LEPR: variants seen among roughly 807,000 people sequenced by gnomAD.
The protein encoded by LEPR is OB receptor.
A neutral mutation model predicts 114.7 loss-of-function variants in LEPR; 56 were observed. The observed-to-expected ratio is 0.49, with a 90% CI of 0.39 to 0.61. The LOEUF (loss-of-function observed/expected upper bound fraction) is 0.61. Ranked by LOEUF, LEPR falls within the 20% of genes least tolerant of loss-of-function variation. The pLI is 0.00. For synonymous variants in LEPR, 443 were observed against 461.4 expected (o/e 0.96, Z 0.51); for missense variants, 1,202 against 1,352.9 (o/e 0.89, Z 1.75).
chr1:65,636,160 A>G, intron 19 of LEPR, 31 bp from the exon 20 acceptor site: 1 of 1,612,882 alleles, frequency 6.2e-7, no homozygotes. Context: ...TTTTAACATA[A>G]TTGAGCCTTA....
intron 2 of LEPR, among the ~76,000 whole-genome samples, chr1:65,521,550 C>T (rs1649638205): frequency 6.6e-6 from 1 of 152,160 alleles, no homozygotes; most frequent in African/African-American, 2.4e-5. Context: ...ATTCCATTAA[C>T]CAAAGCTGCC....
intron 2 of LEPR, among the ~76,000 whole-genome samples, chr1:65,525,204 A>C (rs903486330): frequency 3.7e-5 from 5 of 136,370 alleles, no homozygotes; most frequent in African/African-American, 8.3e-5. Flanking sequence ...TTCTTTTCCC[A>C]CTCCTCCCAG....
intron 19 of LEPR, 37 bp downstream of exon 19, chr1:65,623,018 C>G (rs12067936): frequency 1.3e-6 from 2 of 1,593,964 alleles, no homozygotes; most frequent in Admixed American, 3.4e-5. Flanking sequence ...AGAATATATA[C>G]GATTGCAATC....
At chr1:65,603,095 C>T (rs1656553216) in intron 10 of LEPR, among the ~76,000 whole-genome samples, 1 of 152,058 alleles carries the variant, frequency 6.6e-6, no homozygotes. Context: ...CCTCAATTTC[C>T]TTGTCTGTAA....
At chr1:65,564,209 C>G (rs1160407291) in intron 2 of LEPR, among the ~76,000 whole-genome samples, 1 of 150,846 alleles carries the variant, frequency 6.6e-6, no homozygotes, top group Non-Finnish European at 1.5e-5. Context: ...AGCGAGATTC[C>G]GTGGGCGTAG....
At chr1:65,555,646 TATG>T (rs1408256130) in intron 2 of LEPR, among the ~76,000 whole-genome samples, 1 of 152,208 alleles carries the variant, frequency 6.6e-6, no homozygotes, top group Non-Finnish European at 1.5e-5. Context: ...ATAATTACCT[TATG>T]ATAATTTATT....
chr1:65,572,973 G>A lies in LEPR; in HGVS notation c.494+524G>A, dbSNP rs145031774. On this transcript the variant is annotated intron_variant, in intron 5 of 19. Coordinates refer to ENST00000349533, the MANE Select transcript of LEPR (RefSeq NM_002303.6). ...CAGCAGCTTAACTCTTTCTCTCTCT[G>A]GGCATGAACATGAACCATGCTGTGC... is the stretch of plus-strand genomic sequence containing the variant. Among the ~76,000 whole-genome samples the A allele has an allele frequency of 5.3e-5, 8 of 152,184 alleles. No individual in the cohort carries two copies. The East Asian group carries it at 1.5e-3, about 29-fold the overall frequency.
At chr1:65,556,884 A>G (rs1652849535) in intron 2 of LEPR, among the ~76,000 whole-genome samples, 1 of 152,098 alleles carries the variant, frequency 6.6e-6, no homozygotes, top group Non-Finnish European at 1.5e-5. Context: ...AAAGAGAGAC[A>G]TGATCTGGTC....
intron 2 of LEPR, among the ~76,000 whole-genome samples, chr1:65,547,546 G>A (rs913520886): frequency 2.0e-5 from 3 of 151,820 alleles, no homozygotes; most frequent in East Asian, 1.9e-4. Context: ...GAGAGTGTAT[G>A]TGTCGAGGAA....
chr1:65,490,266 A>T (rs1647794827), intron 2 of LEPR, among the ~76,000 whole-genome samples: 1 of 152,058 alleles, frequency 6.6e-6, no homozygotes, highest in African/African-American at 2.4e-5. Context: ...AGAGAACTGT[A>T]AAAAACAGCT....
chr1:65,477,138 A>G (rs1378172929), intron 2 of LEPR, among the ~76,000 whole-genome samples: 2 of 152,196 alleles, frequency 1.3e-5, no homozygotes, highest in Non-Finnish European at 2.9e-5. Context: ...GTATCACCTT[A>G]TCAGTGAGAT....
Position 65,488,206 on chromosome 1 carries a change from TTCTTTCTCTCTCTC to T in LEPR, c.-21+62832_-21+62845del, listed in dbSNP as rs1365245879. Among the ~76,000 whole-genome samples, 89 of 31,758 alleles carry T rather than the reference TTCTTTCTCTCTCTC, an allele frequency of 2.8e-3. 1 individual carries two copies. The highest frequency in any genetic ancestry group is 4.7e-3 in the South Asian group (4 of 854). 20.8% of individuals were successfully genotyped at this position (31,758 alleles called of 152,430 possible). ...TTTCTTTCTTTCTTTCTTTCTTTCT[TTCTTTCTCTCTCTC>T]TCTCTCTCTTTCTTTCTTTCTTTCT... On this transcript the variant is annotated intron_variant, in intron 2 of 19. Coordinates refer to ENST00000349533, the MANE Select transcript of LEPR (RefSeq NM_002303.6).
chr1:65,578,915 C>A (rs866013698), intron 5 of LEPR, among the ~76,000 whole-genome samples: 38 of 152,274 alleles, frequency 2.5e-4, no homozygotes, highest in African/African-American at 8.9e-4. Flanking sequence ...TGGACTAATT[C>A]TTTAAGTCAC....
At chr1:65,549,365 G>C (rs1652084224) in intron 2 of LEPR, among the ~76,000 whole-genome samples, 1 of 151,606 alleles carries the variant, frequency 6.6e-6, no homozygotes, top group African/African-American at 2.4e-5. Context: ...TGCCTTGCTA[G>C]ATTGGGGAAG....
At position 65,619,961 on chromosome 1, in the gene LEPR, G is replaced by T; in HGVS notation, c.2429G>T (p.Ser810Ile). The T allele has an allele frequency of 6.2e-7, 1 of 1,612,248 alleles. No individual in the cohort carries two copies. Among genetic ancestry groups the T allele is most frequent in the Non-Finnish European group, 8.5e-7 (1 of 1,178,730 alleles). The change falls in exon 17 of 20, where the codon AGT (serine) becomes ATT (isoleucine). Residue 810 changes from serine (S) to isoleucine (I), a missense_variant. Transcript: ENST00000349533. Reference protein sequence around the residue: ...HFIPIEKYQFSLYPIFMEGVG... With the variant: ...HFIPIEKYQFILYPIFMEGVG... ...ATCCCCATTGAGAAGTACCAGTTCAGTCTTTACCCAATATTTATGGAAGGA... is the reference window on the plus strand; with the variant it reads ...ATCCCCATTGAGAAGTACCAGTTCATTCTTTACCCAATATTTATGGAAGGA...
chr1:65,538,390 G>C (rs74084021), intron 2 of LEPR, among the ~76,000 whole-genome samples: 7,089 of 152,088 alleles, frequency 0.047, 544 homozygotes, highest in African/African-American at 0.16. Flanking sequence ...CTAGTCATTT[G>C]AAAGTTTGCA....
intron 2 of LEPR, among the ~76,000 whole-genome samples, chr1:65,447,514 G>A (rs1022517320): frequency 2.7e-5 from 4 of 148,118 alleles, no homozygotes; most frequent in Non-Finnish European, 6.0e-5. Context: ...TGGTATAAAT[G>A]GTATTGTGAT....
chr1:65,529,036 A>G (rs1449572237), intron 2 of LEPR, among the ~76,000 whole-genome samples: 1 of 151,314 alleles, frequency 6.6e-6, no homozygotes, highest in African/African-American at 2.4e-5. Context: ...GATGGTCTCA[A>G]TCTCCTGACC....
At chr1:65,522,133 C>G (rs1482406356) in intron 2 of LEPR, among the ~76,000 whole-genome samples, 1 of 152,308 alleles carries the variant, frequency 6.6e-6, no homozygotes, top group Non-Finnish European at 1.5e-5. Flanking sequence ...AAGCGAGTCA[C>G]TGTTTTATTT....
Sources: gnomAD v4.1 joint callset for allele counts (sites outside exome capture counted in the v4.1 genomes callset) on GRCh38, gnomAD v4.1.1 for gene constraint, MANE v1.5 for transcripts, NCBI Gene and HGNC (gene_info 2026-07-23, HGNC 2026-07-21) for gene names.